Variants in EPHA6 observed in about 807,000 individuals in gnomAD.
EPHA6 encodes the protein EPH receptor A6, also known as ephrin type-A receptor 6.
A neutral mutation model predicts 112.0 loss-of-function variants in EPHA6; 50 were observed. The observed-to-expected ratio is 0.45, with a 90% CI of 0.36 to 0.56. The LOEUF (loss-of-function observed/expected upper bound fraction) is 0.56, where lower values mean the gene tolerates loss of function less well. Ranked by LOEUF, EPHA6 falls within the 20% of genes least tolerant of loss-of-function variation. The probability of loss-of-function intolerance (pLI) is 0.00; values close to 1 mark genes in which losing one functional copy is unlikely to be tolerated. For synonymous variants in EPHA6, 529 were observed against 490.7 expected (o/e 1.08, Z -1.03); for missense variants, 1,280 against 1,417.4 (o/e 0.90, Z 1.56).
At chr3:97,538,701 A>C (rs2092796242) in intron 11 of EPHA6, among the ~76,000 whole-genome samples, 1 of 152,196 alleles carries the variant, frequency 6.6e-6, no homozygotes, top group Non-Finnish European at 1.5e-5. Context: ...AGGTCAATAG[A>C]ATAAAATGAG....
chr3:97,155,849 C>G (rs2076276789), intron 3 of EPHA6, among the ~76,000 whole-genome samples: 1 of 152,152 alleles, frequency 6.6e-6, no homozygotes, highest in Non-Finnish European at 1.5e-5. Context: ...AGTTTCTCAA[C>G]TGCCCCTGCA....
intron 3 of EPHA6, among the ~76,000 whole-genome samples, chr3:97,060,311 A>T (rs1041434764): frequency 6.6e-6 from 1 of 152,246 alleles, no homozygotes; most frequent in Non-Finnish European, 1.5e-5. Context: ...TTGAATTAAT[A>T]TTAAATGCCT....
Position 97,241,029 on chromosome 3 carries a change from G to A in EPHA6, c.1271-2923G>A, listed in dbSNP as rs186395628. On this transcript the variant is annotated intron_variant, in intron 4 of 17. Coordinates refer to ENST00000389672, the MANE Select transcript of EPHA6 (RefSeq NM_001080448.3). ...CTCTGCTACTCCGAGAGGAAGATTG[G>A]GACCTACCGGGACAGATGTTTTTCT... Among the ~76,000 whole-genome samples, 552 of 151,366 alleles carry A rather than the reference G, an allele frequency of 3.6e-3. 1 individual carries two copies. Among genetic ancestry groups the A allele is most frequent in the Non-Finnish European group, 5.9e-3 (399 of 67,696 alleles).
intron 3 of EPHA6, among the ~76,000 whole-genome samples, chr3:97,147,739 G>A (rs1209965868): frequency 6.6e-6 from 1 of 151,996 alleles, no homozygotes; most frequent in East Asian, 1.9e-4. Flanking sequence ...AGCATATCTG[G>A]TCAGTACACC....
At position 97,551,903 on chromosome 3, in the gene EPHA6, A is replaced by G. The variant is rs577993939; in HGVS notation, c.2386+19360A>G. On this transcript the variant is annotated intron_variant, in intron 11 of 17. Transcript: ENST00000389672. ...CAAAGAAAAAGGCTGCTTAAAGAGA[A>G]TAAGAATCAAGAGAGAATATACTGA... 9.2e-5 allele frequency among the ~76,000 whole-genome samples: 14 copies of G among 152,312 alleles called. No individual in the cohort carries two copies. The South Asian group carries it at 2.9e-3, about 32-fold the overall frequency.
At chr3:96,969,418 A>G (rs2042237622) in intron 2 of EPHA6, among the ~76,000 whole-genome samples, 1 of 151,902 alleles carries the variant, frequency 6.6e-6, no homozygotes, top group Non-Finnish European at 1.5e-5. Flanking sequence ...TTCTGATGTC[A>G]AGCAAGCTTT....
intron 3 of EPHA6, among the ~76,000 whole-genome samples, chr3:97,100,198 G>A (rs2047361979): frequency 6.6e-6 from 1 of 150,670 alleles, no homozygotes; most frequent in Admixed American, 6.7e-5. Flanking sequence ...AATAAGAAAT[G>A]CAGTCACCTA....
At chr3:96,942,044 C>G (rs955476238) in intron 2 of EPHA6, among the ~76,000 whole-genome samples, 4 of 152,190 alleles carry the variant, frequency 2.6e-5, no homozygotes, top group Non-Finnish European at 5.9e-5. Flanking sequence ...GCCTCCCAGT[C>G]AGGCTGCTCG....
chr3:97,592,579 C>G (rs2107348096), intron 11 of EPHA6, 33 bp from the exon 12 acceptor site: 1 of 1,611,306 alleles, frequency 6.2e-7, no homozygotes, highest in East Asian at 2.2e-5. Flanking sequence ...ATAAAGAAGA[C>G]TTTGATTAAT....
chr3:97,627,678 C>T (rs2093869860), intron 13 of EPHA6, among the ~76,000 whole-genome samples: 1 of 151,810 alleles, frequency 6.6e-6, no homozygotes, highest in South Asian at 2.1e-4. Context: ...AATATATAGT[C>T]ACCCTATCAC....
At chr3:96,839,419 C>T (rs566915453) in intron 1 of EPHA6, among the ~76,000 whole-genome samples, 2 of 152,108 alleles carry the variant, frequency 1.3e-5, no homozygotes, top group East Asian at 3.9e-4. Context: ...GGAACCATTC[C>T]CCTGCTTCCA....
Position 97,646,473 on chromosome 3 carries a change from C to T in EPHA6, c.2784+8391C>T, listed in dbSNP as rs1012983142. Among the ~76,000 whole-genome samples, 3 of 152,194 alleles carry T rather than the reference C, an allele frequency of 2.0e-5. No homozygotes were observed. The East Asian group carries it at 5.8e-4, about 29-fold the overall frequency. ...TCTTCAACTTGAGTGTTTTGCATGCCGTGCTCTAGGTCTGACATATTCATT... is the reference window on the plus strand; with the variant it reads ...TCTTCAACTTGAGTGTTTTGCATGCTGTGCTCTAGGTCTGACATATTCATT... On this transcript the variant is annotated intron_variant, in intron 14 of 17. Transcript: ENST00000389672.
In EPHA6 at chr3:97,135,189, C is replaced by CAACT. The variant is rs1378893994; in HGVS notation, c.1115-91074_1115-91073insACTA. On this transcript the variant is annotated intron_variant, in intron 3 of 17. Coordinates refer to ENST00000389672, the MANE Select transcript of EPHA6 (RefSeq NM_001080448.3). ...GCCCAACAACTAGCAGGATATGACA[C>CAACT]AGTGGCACAACGCTAACTTTTAAAG... 2.0e-4 allele frequency among the ~76,000 whole-genome samples: 31 copies of CAACT among 152,272 alleles called. 1 individual carries two copies. The Middle Eastern group carries it at 0.01, about 50-fold the overall frequency.
intron 14 of EPHA6, among the ~76,000 whole-genome samples, chr3:97,693,029 C>T (rs747116415): frequency 1.3e-5 from 2 of 152,040 alleles, no homozygotes; most frequent in East Asian, 1.9e-4. Flanking sequence ...GAGAAGGACA[C>T]GTGTGGTTGG....
At chr3:97,227,240 G>GACT (rs1213817663) in intron 4 of EPHA6, among the ~76,000 whole-genome samples, 2 of 146,186 alleles carry the variant, frequency 1.4e-5, no homozygotes, top group Non-Finnish European at 1.5e-5. Flanking sequence ...TTTTTTTCGA[G>GACT]ACAGAGTTTT....
chr3:97,746,875 T>C (rs1430012337), intron 16 of EPHA6, among the ~76,000 whole-genome samples: 2 of 151,894 alleles, frequency 1.3e-5, no homozygotes, highest in Non-Finnish European at 2.9e-5. Context: ...TTTTAAGAAA[T>C]GATAAATTAT....
chr3:97,707,892 C>A (rs2033765874), intron 14 of EPHA6, among the ~76,000 whole-genome samples: 1 of 152,162 alleles, frequency 6.6e-6, no homozygotes, highest in South Asian at 2.1e-4. Flanking sequence ...TTCTCTTCTC[C>A]TTCTGCCATG....
At chr3:97,406,509 C>G (rs2109134876) in intron 6 of EPHA6, among the ~76,000 whole-genome samples, 1 of 152,250 alleles carries the variant, frequency 6.6e-6, no homozygotes, top group East Asian at 1.9e-4. Context: ...GCCTAATCAC[C>G]TCTTAAAGGT....
At chr3:97,010,240 C>T in intron 3 of EPHA6, 1 of 481,832 alleles carries the variant, frequency 2.1e-6, no homozygotes, top group South Asian at 2.2e-5. Flanking sequence ...TTTGTAATAT[C>T]ATGTAATAAC....
Sources: gnomAD v4.1 joint callset for allele counts (sites outside exome capture counted in the v4.1 genomes callset) on GRCh38, gnomAD v4.1.1 for gene constraint, MANE v1.5 for transcripts, NCBI Gene and HGNC (gene_info 2026-07-23, HGNC 2026-07-21) for gene names.